The following CHCHD3 variants were observed in gnomAD, a reference collection of about 807,000 sequenced individuals.
CHCHD3 encodes the protein coiled-coil-helix-coiled-coil-helix domain containing 3.
In CHCHD3, 20 loss-of-function variants were observed where a neutral mutation model predicts 38.2. That is an observed-to-expected ratio of 0.52 (90% CI 0.37 to 0.76). The LOEUF (loss-of-function observed/expected upper bound fraction) is 0.76. CHCHD3 is among the 30% of genes least tolerant of loss of function. The pLI is 0.00. For synonymous variants in CHCHD3, 82 were observed against 100.0 expected (o/e 0.82, Z 1.07); for missense variants, 245 against 279.2 (o/e 0.88, Z 0.87).
intron 3 of CHCHD3, among the ~76,000 whole-genome samples, chr7:133,018,053 T>C (rs899391019): frequency 2.6e-5 from 4 of 151,884 alleles, no homozygotes; most frequent in African/African-American, 9.7e-5. Context: ...CAGAATCAAA[T>C]GGAAAAGTAT....
chr7:132,795,548 G>A (rs556250558), intron 7 of CHCHD3, among the ~76,000 whole-genome samples: 18 of 152,048 alleles, frequency 1.2e-4, no homozygotes, highest in African/African-American at 1.9e-4. Flanking sequence ...CCCTCCCGTC[G>A]GATATTTGTA....
At chr7:132,943,138 A>G (rs970691099) in intron 4 of CHCHD3, among the ~76,000 whole-genome samples, 3 of 152,296 alleles carry the variant, frequency 2.0e-5, no homozygotes, top group African/African-American at 4.8e-5. Context: ...AAAAATTTCA[A>G]TTTATACATA....
At chr7:132,894,041 T>C (rs1199390765) in intron 4 of CHCHD3, among the ~76,000 whole-genome samples, 1 of 152,158 alleles carries the variant, frequency 6.6e-6, no homozygotes, top group African/African-American at 2.4e-5. Flanking sequence ...AAAGCCAACA[T>C]TGAATAAAGA....
chr7:132,990,550 G>A (rs774074633), intron 3 of CHCHD3, among the ~76,000 whole-genome samples: 3 of 152,170 alleles, frequency 2.0e-5, no homozygotes, highest in East Asian at 1.9e-4. Flanking sequence ...TCCTGGTTCC[G>A]TGACCTGAGA....
chr7:132,799,873 C>T (rs1459537982), intron 6 of CHCHD3, among the ~76,000 whole-genome samples: 2 of 152,116 alleles, frequency 1.3e-5, no homozygotes, highest in African/African-American at 4.8e-5. Flanking sequence ...CCCCTCATCT[C>T]CACAAGCACT....
At chr7:132,803,800 C>G (rs1387974387) in intron 6 of CHCHD3, among the ~76,000 whole-genome samples, 1 of 141,920 alleles carries the variant, frequency 7.0e-6, no homozygotes, top group Non-Finnish European at 1.5e-5. Context: ...GTTGCTGTGC[C>G]CAGCCAGTCC....
intron 1 of CHCHD3, among the ~76,000 whole-genome samples, chr7:133,071,257 A>G (rs1188708484): frequency 6.6e-6 from 1 of 152,200 alleles, no homozygotes; most frequent in Non-Finnish European, 1.5e-5. Flanking sequence ...TCCTATCGCT[A>G]TACTCCCAGA....
intron 3 of CHCHD3, among the ~76,000 whole-genome samples, chr7:133,018,983 A>C (rs1177573688): frequency 7.0e-6 from 1 of 143,030 alleles, no homozygotes; most frequent in Admixed American, 7.8e-5. Flanking sequence ...TCCCGGGTTC[A>C]AGCGATTCTC....
chr7:133,024,663 G>C (rs985784277), intron 2 of CHCHD3, 36 bp from the exon 3 acceptor site: 1 of 1,431,846 alleles, frequency 7.0e-7, no homozygotes, highest in African/African-American at 1.4e-5. Context: ...GATAAAATAG[G>C]TGACTTCTTA....
chr7:133,066,256 CTTTT>C (rs11451085), intron 2 of CHCHD3, among the ~76,000 whole-genome samples: 2 of 142,886 alleles, frequency 1.4e-5, no homozygotes, highest in African/African-American at 5.2e-5. Flanking sequence ...AGATGGCATA[CTTTT>C]TTTTTTTTTT....
At chr7:133,012,707 T>C (rs1207024798) in intron 3 of CHCHD3, among the ~76,000 whole-genome samples, 1 of 149,758 alleles carries the variant, frequency 6.7e-6, no homozygotes, top group African/African-American at 2.5e-5. Flanking sequence ...GAGGGTGCAA[T>C]GGGCTGAGAT....
chr7:132,801,268 T>C (rs1806785456), intron 6 of CHCHD3, among the ~76,000 whole-genome samples: 1 of 152,214 alleles, frequency 6.6e-6, no homozygotes, highest in African/African-American at 2.4e-5. Context: ...CTAATATTTG[T>C]TTTCAGAGTA....
intron 3 of CHCHD3, among the ~76,000 whole-genome samples, chr7:132,982,803 AT>A (rs1811952602): frequency 6.6e-6 from 1 of 152,180 alleles, no homozygotes; most frequent in Non-Finnish European, 1.5e-5. Context: ...TGAACCTTCA[AT>A]AACACACGTT....
intron 4 of CHCHD3, 147 bp from the exon 5 acceptor site, chr7:132,885,892 T>C (rs1809194624): frequency 1.9e-6 from 1 of 513,930 alleles, no homozygotes; most frequent in Admixed American, 4.0e-5. Flanking sequence ...AACATTAAGA[T>C]GATGATTGCT....
intron 2 of CHCHD3, chr7:133,036,067 A>T: frequency 5.7e-6 from 4 of 705,766 alleles, no homozygotes; most frequent in Non-Finnish European, 9.9e-6. Context: ...ATGATTTCAT[A>T]AAATAATTCG....
rs1207050328 is a variant in CHCHD3 at position 133,046,522 on chromosome 7, T to A, written c.170-21895A>T. On this transcript the variant is annotated intron_variant, in intron 2 of 7. Transcript: ENST00000262570. ...TCAGTGTATATTACAAACTTGGGTT[T>A]TTTTAATTATATATAATTGGTTTCT... Among the ~76,000 whole-genome samples the A allele has an allele frequency of 3.9e-5, 6 of 152,176 alleles. 1 individual carries two copies.
intron 1 of CHCHD3, among the ~76,000 whole-genome samples, chr7:133,078,688 T>G (rs566111163): frequency 4.5e-4 from 69 of 152,376 alleles, no homozygotes; most frequent in Middle Eastern, 3.4e-3. Flanking sequence ...CAAAAAATCC[T>G]AAGTCGAACC....
chr7:132,871,006 T>C (rs1808755678), intron 5 of CHCHD3, among the ~76,000 whole-genome samples: 1 of 152,218 alleles, frequency 6.6e-6, no homozygotes, highest in African/African-American at 2.4e-5. Flanking sequence ...TTAGTTTTAA[T>C]GATATAGGCT....
rs1032219021 is a variant in CHCHD3, at chr7:132,859,505, T to C, written c.454-21036A>G. 1.2e-4 allele frequency among the ~76,000 whole-genome samples: 19 copies of C among 152,362 alleles called. No individual in the cohort carries two copies. The East Asian group carries it at 2.7e-3, about 22-fold the overall frequency. On this transcript the variant is annotated intron_variant, in intron 5 of 7. Transcript: ENST00000262570. The stretch of plus-strand genomic sequence containing the variant: ...AAGGTCAAAGCTTATTTTCACCCTA[T>C]GTAAATTAAATTTAAATGAACTCCT...
Sources: gnomAD v4.1 joint callset for allele counts (sites outside exome capture counted in the v4.1 genomes callset) on GRCh38, gnomAD v4.1.1 for gene constraint, MANE v1.5 for transcripts, NCBI Gene and HGNC (gene_info 2026-07-23, HGNC 2026-07-21) for gene names.